The following VTI1A variants were observed in gnomAD, a reference collection of about 807,000 sequenced individuals.
The protein encoded by VTI1A is vesicle transport through interaction with t-SNAREs 1A.
VTI1A carries 22 observed loss-of-function variants against 34.9 expected under a neutral mutation model. The observed-to-expected ratio is 0.63, with a 90% CI of 0.45 to 0.90. The LOEUF (loss-of-function observed/expected upper bound fraction) is 0.90, where lower values mean the gene tolerates loss of function less well. Among genes scored for constraint, VTI1A ranks in the 40% least tolerant of loss-of-function variants. The pLI is 0.00. For missense variants in VTI1A, 268 were observed against 275.6 expected (o/e 0.97, Z 0.20); for synonymous variants, 87 against 97.3 (o/e 0.89, Z 0.62).
intron 7 of VTI1A, among the ~76,000 whole-genome samples, chr10:112,804,644 TCTAATCGCGGCCTTTGTCGTG>T (rs1389588210): frequency 6.6e-6 from 1 of 152,094 alleles, no homozygotes; most frequent in African/African-American, 2.4e-5. Flanking sequence ...CTGGCATTAC[TCTAATCGCGGCCTTTGTCGTG>T]AGGCTTCTGT....
At chr10:112,836,974 C>G in the VTI1A span, among the ~76,000 whole-genome samples, 1 of 152,206 alleles carries the variant, frequency 6.6e-6, no homozygotes, top group South Asian at 2.1e-4. Context: ...AGAGCCACTT[C>G]GGAGCTCAGG....
intron 7 of VTI1A, chr10:112,736,586 G>C: frequency 1.4e-6 from 2 of 1,382,460 alleles, no homozygotes; most frequent in Non-Finnish European, 9.7e-7. Flanking sequence ...GCATGACTCT[G>C]AAAGTGGCTC....
chr10:112,758,321 G>C (rs1851355142), intron 7 of VTI1A, among the ~76,000 whole-genome samples: 1 of 152,062 alleles, frequency 6.6e-6, no homozygotes. Flanking sequence ...ATCTCTGCCA[G>C]CTCAGGCCTG....
intron 3 of VTI1A, among the ~76,000 whole-genome samples, chr10:112,478,478 A>G (rs1357107150): frequency 6.6e-5 from 10 of 152,226 alleles, no homozygotes; most frequent in Non-Finnish European, 2.9e-5. Flanking sequence ...TCAAGGTCAG[A>G]AAATTTCTTA....
chr10:112,705,692 G>A (rs2133909111), intron 7 of VTI1A, among the ~76,000 whole-genome samples: 1 of 152,312 alleles, frequency 6.6e-6, no homozygotes, highest in East Asian at 1.9e-4. Context: ...TCACCTAGCT[G>A]TCAAAGAAAG....
intron 5 of VTI1A, among the ~76,000 whole-genome samples, chr10:112,635,425 G>C (rs1846318383): frequency 6.6e-6 from 1 of 152,176 alleles, no homozygotes; most frequent in Admixed American, 6.5e-5. Context: ...GCCAAGTCTA[G>C]AATATATGCC....
intron 7 of VTI1A, among the ~76,000 whole-genome samples, chr10:112,744,588 G>A (rs1850822999): frequency 2.0e-5 from 3 of 150,444 alleles, no homozygotes; most frequent in South Asian, 4.2e-4. Context: ...GGGACTACAC[G>A]CACATGTCAC....
intron 5 of VTI1A, among the ~76,000 whole-genome samples, chr10:112,598,657 A>G (rs1194201981): frequency 1.3e-5 from 2 of 152,212 alleles, no homozygotes; most frequent in Non-Finnish European, 2.9e-5. Flanking sequence ...AATGTAGGAT[A>G]CATCAAAGAC....
intron 7 of VTI1A, among the ~76,000 whole-genome samples, chr10:112,802,630 G>A (rs538740855): frequency 4.6e-5 from 7 of 152,290 alleles, no homozygotes; most frequent in South Asian, 2.1e-4. Flanking sequence ...TGCTGCAGCC[G>A]CATTCTCTAG....
intron 7 of VTI1A, among the ~76,000 whole-genome samples, chr10:112,769,290 T>C (rs1428333363): frequency 6.6e-6 from 1 of 152,202 alleles, no homozygotes; most frequent in Non-Finnish European, 1.5e-5. Context: ...GGCCTCATTG[T>C]AAGGTTATCC....
chr10:112,675,355 C>A (rs907086176), intron 7 of VTI1A, among the ~76,000 whole-genome samples: 20 of 152,158 alleles, frequency 1.3e-4, no homozygotes, highest in African/African-American at 4.8e-4. Flanking sequence ...GGCTGGTTTT[C>A]CTACTGTACC....
chr10:112,724,306 T>C (rs1163093945), intron 7 of VTI1A, among the ~76,000 whole-genome samples: 3 of 152,210 alleles, frequency 2.0e-5, no homozygotes, highest in Non-Finnish European at 4.4e-5. Context: ...CCTTTAAATA[T>C]GCCAATCATC....
chr10:112,756,325 A>G (rs1302018462), intron 7 of VTI1A, among the ~76,000 whole-genome samples: 5 of 152,196 alleles, frequency 3.3e-5, no homozygotes, highest in Non-Finnish European at 7.3e-5. Context: ...TTTTGCAGAT[A>G]AAGATCCCGG....
At chr10:112,771,049 A>G (rs1282664911) in intron 7 of VTI1A, among the ~76,000 whole-genome samples, 1 of 151,818 alleles carries the variant, frequency 6.6e-6, no homozygotes, top group Non-Finnish European at 1.5e-5. Context: ...CCCAGGACCC[A>G]AGGAGAGGAT....
chr10:112,757,890 C>T (rs898095130), intron 7 of VTI1A, among the ~76,000 whole-genome samples: 1 of 152,124 alleles, frequency 6.6e-6, no homozygotes, highest in Non-Finnish European at 1.5e-5. Flanking sequence ...TTGTTGTTTA[C>T]TTTTTCCACT....
chr10:112,814,030 GAGA>G (rs1853419171), intron 7 of VTI1A, among the ~76,000 whole-genome samples: 2 of 152,242 alleles, frequency 1.3e-5, no homozygotes, highest in African/African-American at 2.4e-5. Flanking sequence ...TTTAGGTTTG[GAGA>G]AGAAGGGGAT....
At chr10:112,716,645 T>C (rs991100646) in intron 7 of VTI1A, among the ~76,000 whole-genome samples, 1 of 151,970 alleles carries the variant, frequency 6.6e-6, no homozygotes, top group African/African-American at 2.4e-5. Context: ...ACTCTGAAAA[T>C]CCAAAATTCA....
intron 5 of VTI1A, among the ~76,000 whole-genome samples, chr10:112,655,849 A>G (rs554568545): frequency 6.6e-6 from 1 of 152,308 alleles, no homozygotes; most frequent in South Asian, 2.1e-4. Flanking sequence ...TGTGCCCCAT[A>G]TCTAGGCAAT....
rs6144094 is a variant in VTI1A at position 112,618,524 on chromosome 10, T to TAGAGAGAGAGAGAG, written c.428-49683_428-49670dup. ...ATATATATATATATATATATATATA[T>TAGAGAGAGAGAGAG]AGAGAGAGAGAGAGAGAGAGAGAGT... On this transcript the variant is annotated intron_variant, in intron 5 of 7. Transcript: ENST00000393077. 9.4e-3 allele frequency among the ~76,000 whole-genome samples: 323 copies of TAGAGAGAGAGAGAG among 34,536 alleles called. 21 individuals are homozygous for TAGAGAGAGAGAGAG. Among genetic ancestry groups the TAGAGAGAGAGAGAG allele is most frequent in the African/African-American group, 0.02 (121 of 6,140 alleles). 22.7% of individuals were successfully genotyped at this position (34,536 alleles called of 152,430 possible).
Sources: gnomAD v4.1 joint callset for allele counts (sites outside exome capture counted in the v4.1 genomes callset) on GRCh38, gnomAD v4.1.1 for gene constraint, MANE v1.5 for transcripts, NCBI Gene and HGNC (gene_info 2026-07-23, HGNC 2026-07-21) for gene names.